The following GTF3C3 variants were observed in gnomAD, a reference collection of about 807,000 sequenced individuals.
GTF3C3 encodes general transcription factor IIIC subunit 3.
GTF3C3 carries 75 observed loss-of-function variants against 105.2 expected under a neutral mutation model. That is an observed-to-expected ratio of 0.71 (90% confidence interval 0.59 to 0.86). GTF3C3 has a LOEUF of 0.86. GTF3C3 is among the 40% of genes least tolerant of loss of function. The pLI is 0.00. For missense variants in GTF3C3, 856 were observed against 1,076.5 expected (o/e 0.80, Z 2.87); for synonymous variants, 335 against 370.4 (o/e 0.90, Z 1.10).
chr2:196,790,625 A>G (rs1367638734), intron 4 of GTF3C3, among the ~76,000 whole-genome samples: 1 of 152,364 alleles, frequency 6.6e-6, no homozygotes, highest in East Asian at 1.9e-4. Context: ...TAAAGGAACA[A>G]ATAATATTGG....
At chr2:196,789,462 TA>T in intron 5 of GTF3C3, 93 bp from the exon 6 acceptor site, 1 of 782,238 alleles carries the variant, frequency 1.3e-6, no homozygotes, top group South Asian at 2.0e-5. Context: ...ATAAGCAAAC[TA>T]ATCCATCAAA....
intron 13 of GTF3C3, among the ~76,000 whole-genome samples, chr2:196,774,588 A>G (rs1485635761): frequency 2.6e-5 from 4 of 152,266 alleles, no homozygotes; most frequent in African/African-American, 4.8e-5. Flanking sequence ...AATCACTGAA[A>G]GAAAACAGGC....
intron 12 of GTF3C3, among the ~76,000 whole-genome samples, chr2:196,775,781 G>A (rs969518447): frequency 6.6e-6 from 1 of 152,142 alleles, no homozygotes; most frequent in Non-Finnish European, 1.5e-5. Flanking sequence ...GATAGACCAT[G>A]GTGCTCACTT....
In GTF3C3 at chr2:196,799,637, C is replaced by G. The variant is rs140761045; in HGVS notation, c.-26G>C. On this transcript the variant is annotated 5_prime_UTR_variant, in exon 1 of 18. Coordinates refer to ENST00000263956, the MANE Select transcript of GTF3C3 (RefSeq NM_012086.5). ...GTTTACAGGGTCTGTCTGTGCAACC[C>G]CAGGAACCGGGACAGAGAACCGGAA... is the stretch of plus-strand genomic sequence containing the variant. The G allele has an allele frequency of 1.3e-6, 2 of 1,528,226 alleles. No individual in the cohort carries two copies. Among genetic ancestry groups the G allele is most frequent in the Non-Finnish European group, 1.8e-6 (2 of 1,102,580 alleles). The allele number at this position is 1,528,226 out of a possible 1,614,324, so 94.7% of individuals were successfully genotyped here. A position where few individuals can be genotyped will look rare whatever the true frequency, so the allele number is the denominator to read the frequency against.
At position 196,798,272 on chromosome 2, in the gene GTF3C3, C is replaced by T. The variant is rs191572779; in HGVS notation, c.103-364G>A. ...TGACTTGGTGGCTCACATCTGTAATCCAACCACTTTGGGAGGCCGAGACAG... is the reference window on the plus strand; with the variant it reads ...TGACTTGGTGGCTCACATCTGTAATTCAACCACTTTGGGAGGCCGAGACAG... On this transcript the variant is annotated intron_variant, in intron 1 of 17. Coordinates refer to ENST00000263956, the MANE Select transcript of GTF3C3 (RefSeq NM_012086.5). Among the ~76,000 whole-genome samples, 932 of 152,256 alleles carry T rather than the reference C, an allele frequency of 6.1e-3. 7 individuals are homozygous for T. The highest frequency in any genetic ancestry group is 0.022 in the African/African-American group (899 of 41,540).
Position 196,776,279 on chromosome 2 carries a change from G to T in GTF3C3, c.1593+148C>A. On this transcript the variant is annotated intron_variant, in intron 11 of 17. Transcript: ENST00000263956. The surrounding 1 kb of genome is among the most constrained non-coding windows in gnomAD (Gnocchi z 4.5). The stretch of plus-strand genomic sequence containing the variant: ...ATAATTTGTAACCCAACCAGTGGCT[G>T]AAATCCAATACTTAAAATCATTTTT... 1.4e-6 allele frequency: 1 copy of T among 732,226 alleles called. No individual in the cohort carries two copies. 45.4% of individuals were successfully genotyped at this position (732,226 alleles called of 1,614,324 possible).
chr2:196,790,219 G>C, intron 4 of GTF3C3, 149 bp from the exon 5 acceptor site: 1 of 459,924 alleles, frequency 2.2e-6, no homozygotes. Flanking sequence ...CTTAAGGCAA[G>C]TTGAAATAAA....
At position 196,764,486 on chromosome 2, in the gene GTF3C3, C is replaced by T. The variant is rs1336174026; in HGVS notation, c.*77G>A. The T allele has an allele frequency of 7.7e-7, 1 of 1,305,476 alleles. No individual in the cohort carries two copies. The highest frequency in any genetic ancestry group is 1.0e-6 in the Non-Finnish European group (1 of 970,658). The allele number at this position is 1,305,476 out of a possible 1,614,324, so 80.9% of individuals were successfully genotyped here. On this transcript the variant is annotated 3_prime_UTR_variant, in exon 18 of 18. Coordinates refer to ENST00000263956, the MANE Select transcript of GTF3C3 (RefSeq NM_012086.5). ...AATTGTCATTTCTATTTTGGAGTTA[C>T]AAATAATAAGCCCTGAGACAGAAGA...
Position 196,776,919 on chromosome 2 carries a change from C to G in GTF3C3, c.1391-290G>C, listed in dbSNP as rs1388854278. 6.6e-6 allele frequency among the ~76,000 whole-genome samples: 1 copy of G among 152,096 alleles called. No individual in the cohort carries two copies. Among genetic ancestry groups the G allele is most frequent in the African/African-American group, 2.4e-5 (1 of 41,382 alleles). On this transcript the variant is annotated intron_variant, in intron 10 of 17. Transcript: ENST00000263956. This position sits in a 1 kb window ranked among gnomAD's most constrained non-coding sequence, Gnocchi z 4.5. ...TTGGCATTTTGAATGGTTACATAATCAAACTGATTATGTAATTATATCATT... is the reference window on the plus strand; with the variant it reads ...TTGGCATTTTGAATGGTTACATAATGAAACTGATTATGTAATTATATCATT...
chr2:196,767,314 C>T (rs1430818323), intron 16 of GTF3C3, among the ~76,000 whole-genome samples: 2 of 152,184 alleles, frequency 1.3e-5, no homozygotes, highest in African/African-American at 4.8e-5. Context: ...GTGGGTCACA[C>T]AGTCCAAAAA....
In GTF3C3 at chr2:196,793,070, TTCC is replaced by T. The variant is rs760762836; in HGVS notation, c.294_296del (p.Glu111del). 120 of 1,613,396 alleles carry T rather than the reference TTCC, an allele frequency of 7.4e-5. No individual in the cohort carries two copies. The highest frequency in any genetic ancestry group is 3.3e-4 in the Middle Eastern group (2 of 6,084). On this transcript the variant is annotated inframe_deletion, in exon 3 of 18. Coordinates refer to ENST00000263956, the MANE Select transcript of GTF3C3 (RefSeq NM_012086.5). ...CCTCCTCCTCCTCCTCTTCTTCCTC[TTCC>T]TCCTCATCATCTTCATTCTCTCCAA...
intron 16 of GTF3C3, 28 bp from the exon 17 acceptor site, chr2:196,766,745 T>C (rs1242307267): frequency 1.3e-6 from 2 of 1,575,418 alleles, no homozygotes; most frequent in African/African-American, 2.7e-5. Context: ...GATAATTCAA[T>C]ATTTCACTGA....
chr2:196,766,001 C>CTCTG lies in GTF3C3; in HGVS notation c.2538+560_2538+563dup, dbSNP rs1491252405. On this transcript the variant is annotated intron_variant, in intron 17 of 17. Transcript: ENST00000263956. ...CTCCAGCCTGGGCCACAGAGCAAGA[C>CTCTG]TCTGTCTCCAAAAAAAAAAAAAAAA... Among the ~76,000 whole-genome samples, 17 of 106,982 alleles carry CTCTG rather than the reference C, an allele frequency of 1.6e-4. No homozygotes were observed. In the Admixed American group the frequency reaches 1.7e-3, roughly 11 times the overall value. 70.2% of individuals were successfully genotyped at this position (106,982 alleles called of 152,430 possible).
Position 196,785,465 on chromosome 2 carries a change from G to C in GTF3C3, c.1017C>G (p.Asn339Lys). ...CCTCCAAAGCTTTGTCATACTGTTTGTTAGAAATATATAGTTCAGCTGCTA... is the reference window on the plus strand; with the variant it reads ...CCTCCAAAGCTTTGTCATACTGTTTCTTAGAAATATATAGTTCAGCTGCTA... ...VNIAAELYIS[N>K]KQYDKALEII... is the part of the protein sequence containing the mutation. The change falls in exon 7 of 18, where the codon AAC (asparagine) becomes AAG (lysine). Residue 339 changes from asparagine to lysine, a missense_variant. By Grantham distance (94) the Asn-to-Lys change is moderately conservative (BLOSUM62 0). This residue lies in a region of GTF3C3 where 605 missense variants were observed against 833.6 expected (regional missense o/e 0.73). Coordinates refer to ENST00000263956, the MANE Select transcript of GTF3C3 (RefSeq NM_012086.5). 1 of 1,607,120 alleles carries C rather than the reference G, an allele frequency of 6.2e-7. No homozygotes were observed. The highest frequency in any genetic ancestry group is 8.5e-7 in the Non-Finnish European group (1 of 1,176,202).
intron 15 of GTF3C3, among the ~76,000 whole-genome samples, chr2:196,770,282 A>T (rs1405021130): frequency 6.6e-6 from 1 of 152,252 alleles, no homozygotes; most frequent in East Asian, 1.9e-4. Context: ...TTCTAGGCAC[A>T]GCTAGACATT....
chr2:196,778,654 C>A (rs1299570919), intron 10 of GTF3C3: 1 of 523,086 alleles, frequency 1.9e-6, no homozygotes, highest in Non-Finnish European at 3.4e-6. Context: ...TCAAGACAGG[C>A]ATCTAAGGGA....
chr2:196,792,916 T>C (rs750749434), intron 3 of GTF3C3, 40 bp downstream of exon 3: 2 of 1,384,904 alleles, frequency 1.4e-6, no homozygotes, highest in Non-Finnish European at 2.0e-6. Flanking sequence ...TATGTCACTT[T>C]CTTCATTGTT....
intron 8 of GTF3C3, among the ~76,000 whole-genome samples, chr2:196,784,039 G>C (rs895178524): frequency 5.9e-5 from 9 of 152,124 alleles, no homozygotes; most frequent in African/African-American, 2.2e-4. Context: ...CTCACCATTA[G>C]GATGGATCAT....
Position 196,785,550 on chromosome 2 carries a change from TTA to T in GTF3C3, c.930_931del (p.Asn311HisfsTer3), listed in dbSNP as rs1699440571. On this transcript the variant is annotated frameshift_variant, in exon 7 of 18. Coordinates refer to ENST00000263956, the MANE Select transcript of GTF3C3 (RefSeq NM_012086.5). LOFTEE classifies it high-confidence loss of function. Reference sequence around the variant, plus strand: ...TTTTGAGAAAGCTTCATCAATTATGTTAATAGCAGAAGTAACATCATTGGCTT... The same window carrying T: ...TTTTGAGAAAGCTTCATCAATTATGTATAGCAGAAGTAACATCATTGGCTT... 1 of 1,609,328 alleles carries T rather than the reference TTA, an allele frequency of 6.2e-7. No individual in the cohort carries two copies. Among genetic ancestry groups the T allele is most frequent in the Non-Finnish European group, 8.5e-7 (1 of 1,176,356 alleles).
Sources: gnomAD v4.1 joint callset for allele counts (sites outside exome capture counted in the v4.1 genomes callset) on GRCh38, gnomAD v4.1.1 for gene constraint, gnomAD v4.1.1 regional missense constraint, Gnocchi (gnomAD v3.1) non-coding constraint, MANE v1.5 for transcripts, NCBI Gene and HGNC (gene_info 2026-07-23, HGNC 2026-07-21) for gene names.